The following NDST3 variants were observed in gnomAD, a reference collection of about 807,000 sequenced individuals.
NDST3 encodes bifunctional heparan sulfate N-deacetylase/N-sulfotransferase 3.
NDST3 carries 58 observed loss-of-function variants against 96.1 expected under a neutral mutation model. That is an observed-to-expected ratio of 0.60 (90% CI 0.49 to 0.75). The LOEUF (loss-of-function observed/expected upper bound fraction) is 0.75, where lower values mean the gene tolerates loss of function less well. Among genes scored for constraint, NDST3 ranks in the 30% least tolerant of loss-of-function variants. The probability of loss-of-function intolerance (pLI) is 0.00; values close to 1 mark genes in which losing one functional copy is unlikely to be tolerated. For synonymous variants in NDST3, 333 were observed against 359.7 expected, an observed-to-expected ratio of 0.93 and a Z score of 0.84; for missense variants, 788 against 1,034.2, an observed-to-expected ratio of 0.76 and a Z score of 3.27.
At chr4:118,142,852 A>AAT (rs915237396) in intron 5 of NDST3, among the ~76,000 whole-genome samples, 13 of 152,124 alleles carry the variant, frequency 8.5e-5, no homozygotes, top group Admixed American at 2.0e-4. Context: ...TGAAGCAGAT[A>AAT]ATACATATAT....
At chr4:118,194,047 A>G in intron 6 of NDST3, 1 of 1,434,404 alleles carries the variant, frequency 7.0e-7, no homozygotes. Context: ...GGTGTAATTC[A>G]TATTTCAGCT....
chr4:118,225,823 T>C, intron 7 of NDST3, among the ~76,000 whole-genome samples: 1 of 152,304 alleles, frequency 6.6e-6, no homozygotes, highest in South Asian at 2.1e-4. Flanking sequence ...GTTGTGGACT[T>C]ATGACTGCAT....
intron 6 of NDST3, among the ~76,000 whole-genome samples, chr4:118,146,135 G>A (rs919440086): frequency 1.1e-4 from 16 of 152,196 alleles, no homozygotes; most frequent in African/African-American, 3.9e-4. Flanking sequence ...CAGTAATTTA[G>A]CAGATGACAT....
At chr4:118,196,536 T>A (rs1215691180) in intron 6 of NDST3, among the ~76,000 whole-genome samples, 1 of 152,184 alleles carries the variant, frequency 6.6e-6, no homozygotes. Context: ...TTGTTATTGG[T>A]CTGTTCAAGT....
chr4:118,211,155 T>C (rs1487364505), intron 6 of NDST3, among the ~76,000 whole-genome samples: 1 of 152,190 alleles, frequency 6.6e-6, no homozygotes, highest in Non-Finnish European at 1.5e-5. Context: ...TTGGAATTTT[T>C]ATTGTTCTTT....
intron 2 of NDST3, among the ~76,000 whole-genome samples, chr4:118,095,928 A>G (rs2125837849): frequency 6.6e-6 from 1 of 152,052 alleles, no homozygotes; most frequent in South Asian, 2.1e-4. Flanking sequence ...GTTGAATAAT[A>G]TTTCATTGTA....
At chr4:118,037,087 G>T (rs1724193636) in intron 1 of NDST3, among the ~76,000 whole-genome samples, 1 of 152,008 alleles carries the variant, frequency 6.6e-6, no homozygotes, top group Admixed American at 6.6e-5. Context: ...CAGCTCCCTT[G>T]CTGGCTCTGG....
intron 12 of NDST3, among the ~76,000 whole-genome samples, chr4:118,251,033 C>A (rs1303880680): frequency 2.0e-5 from 3 of 146,948 alleles, no homozygotes; most frequent in African/African-American, 7.4e-5. Flanking sequence ...GCAAAATTTT[C>A]TGGTTTTTTT....
chr4:118,247,206 TA>T (rs34436506), intron 12 of NDST3, among the ~76,000 whole-genome samples: 104 of 142,636 alleles, frequency 7.3e-4, no homozygotes, highest in Non-Finnish European at 7.4e-4. Flanking sequence ...CAGGGGGGTT[TA>T]AAAAAAAAAA....
At chr4:118,179,878 T>C (rs1736497309) in intron 6 of NDST3, among the ~76,000 whole-genome samples, 2 of 152,132 alleles carry the variant, frequency 1.3e-5, no homozygotes, top group South Asian at 4.1e-4. Flanking sequence ...AAGTACTAAA[T>C]GTAATTTAAG....
chr4:118,051,294 T>C (rs555976621), intron 1 of NDST3, among the ~76,000 whole-genome samples: 1 of 152,210 alleles, frequency 6.6e-6, no homozygotes, highest in East Asian at 1.9e-4. Context: ...GACATCAAAC[T>C]ATAAAAATTT....
At chr4:118,191,407 A>T (rs1413283105) in intron 6 of NDST3, among the ~76,000 whole-genome samples, 1 of 152,230 alleles carries the variant, frequency 6.6e-6, no homozygotes, top group African/African-American at 2.4e-5. Context: ...AATTCCAGAA[A>T]GGTGTATTCC....
chr4:118,159,167 G>C (rs1332828313), intron 6 of NDST3, among the ~76,000 whole-genome samples: 2 of 152,190 alleles, frequency 1.3e-5, no homozygotes, highest in Non-Finnish European at 2.9e-5. Context: ...GTGGGTGGAT[G>C]GTTGCCCGAG....
chr4:118,188,753 AT>A (rs1306254343), intron 6 of NDST3, among the ~76,000 whole-genome samples: 1 of 152,142 alleles, frequency 6.6e-6, no homozygotes, highest in African/African-American at 2.4e-5. Context: ...ACAAACCTAT[AT>A]CCAAGAGTGC....
intron 2 of NDST3, among the ~76,000 whole-genome samples, chr4:118,066,009 C>A (rs1726288019): frequency 7.2e-6 from 1 of 138,682 alleles, no homozygotes; most frequent in Non-Finnish European, 1.5e-5. Context: ...GAACAAAGAT[C>A]TATCCTCAAA....
chr4:118,076,203 C>T (rs1727515706), intron 2 of NDST3, among the ~76,000 whole-genome samples: 1 of 152,028 alleles, frequency 6.6e-6, no homozygotes, highest in Non-Finnish European at 1.5e-5. Context: ...GGGTGACCTG[C>T]TCCTTCTCTC....
At chr4:118,102,628 T>C (rs548424860) in intron 2 of NDST3, among the ~76,000 whole-genome samples, 4 of 152,196 alleles carry the variant, frequency 2.6e-5, no homozygotes, top group African/African-American at 7.2e-5. Flanking sequence ...AAGGGTTTAG[T>C]GAAAAGGATA....
At chr4:118,148,701 T>C (rs2125912743) in intron 6 of NDST3, among the ~76,000 whole-genome samples, 1 of 152,300 alleles carries the variant, frequency 6.6e-6, no homozygotes, top group African/African-American at 2.4e-5. Context: ...AAAAAAATAC[T>C]GTAATTTTAT....
At chr4:118,189,592 C>G (rs1451768188) in intron 6 of NDST3, among the ~76,000 whole-genome samples, 10 of 152,064 alleles carry the variant, frequency 6.6e-5, no homozygotes, top group Non-Finnish European at 1.3e-4. Flanking sequence ...AAATAATAGT[C>G]ATTTTTTTAG....
Sources: gnomAD v4.1 joint callset for allele counts (sites outside exome capture counted in the v4.1 genomes callset) on GRCh38, gnomAD v4.1.1 for gene constraint, MANE v1.5 for transcripts, NCBI Gene and HGNC (gene_info 2026-07-23, HGNC 2026-07-21) for gene names.